Variants in ITGAV observed in about 807,000 individuals in gnomAD.
The protein encoded by ITGAV is integrin subunit alpha V.
A neutral mutation model predicts 143.8 loss-of-function variants in ITGAV; 76 were observed. The ratio of observed to expected loss-of-function variants is 0.53; its 90% CI spans 0.44 to 0.64. The LOEUF (loss-of-function observed/expected upper bound fraction) is 0.64, where lower values mean the gene tolerates loss of function less well. Ranked by LOEUF, ITGAV falls within the 30% of genes least tolerant of loss-of-function variation. ITGAV has a pLI of 0.00. For synonymous variants in ITGAV, 453 were observed against 446.7 expected (o/e 1.01, Z -0.18); for missense variants, 1,193 against 1,274.7 (o/e 0.94, Z 0.98).
intron 2 of ITGAV, among the ~76,000 whole-genome samples, chr2:186,614,994 G>A (rs927315679): frequency 1.3e-5 from 2 of 151,972 alleles, no homozygotes; most frequent in African/African-American, 4.8e-5. Context: ...AAAGAAATGT[G>A]TCCAACATCA....
chr2:186,668,127 C>T lies in ITGAV; in HGVS notation c.2433+351C>T, dbSNP rs1384876295. 2 of 113,442 alleles carry T rather than the reference C, an allele frequency of 1.8e-5. 1 individual carries two copies. The highest frequency in any genetic ancestry group is 6.9e-5 in the African/African-American group (2 of 28,806). The allele number at this position is 113,442 out of a possible 1,614,324, so 7.0% of individuals were successfully genotyped here. A position where few individuals can be genotyped will look rare whatever the true frequency, so the allele number is the denominator to read the frequency against. On this transcript the variant is annotated intron_variant, in intron 24 of 29. Transcript: ENST00000261023. ...AACTATTTCTATAGGAAGAAATTTT[C>T]TTTGTCATCCTTCATTAATAACTTT...
chr2:186,649,947 T>G, intron 14 of ITGAV, 62 bp downstream of exon 14: 1 of 1,070,494 alleles, frequency 9.3e-7, no homozygotes. Flanking sequence ...GTTTTTTAAT[T>G]AAGTGTCAGT....
intron 4 of ITGAV, among the ~76,000 whole-genome samples, chr2:186,628,317 G>C (rs1295650123): frequency 6.6e-6 from 1 of 152,014 alleles, no homozygotes; most frequent in Non-Finnish European, 1.5e-5. Context: ...AGTTTTTGTT[G>C]TTGTTGTTGT....
chr2:186,619,628 A>G (rs561390284), intron 2 of ITGAV, among the ~76,000 whole-genome samples: 67 of 152,370 alleles, frequency 4.4e-4, no homozygotes, highest in Middle Eastern at 3.4e-3. Flanking sequence ...TGATAAGTAT[A>G]CATTATATGT....
At chr2:186,629,639 A>G (rs1687765236) in intron 4 of ITGAV, among the ~76,000 whole-genome samples, 1 of 151,950 alleles carries the variant, frequency 6.6e-6, no homozygotes, top group African/African-American at 2.4e-5. Context: ...TCCAGGCTTT[A>G]AAAATGGGTT....
chr2:186,665,713 T>G (rs1688878825), intron 21 of ITGAV, among the ~76,000 whole-genome samples: 2 of 152,218 alleles, frequency 1.3e-5, no homozygotes, highest in African/African-American at 2.4e-5. Context: ...CCGAATCCTC[T>G]AAAAAGTAAA....
In ITGAV at chr2:186,677,490, G is replaced by T; in HGVS notation, c.*198G>T. On this transcript the variant is annotated 3_prime_UTR_variant, in exon 30 of 30. Transcript: ENST00000261023. ...TCAGACATACATTTAATAACATAGGGTGACTTGTGTTTTTAGGTATTTAAA... is the reference window on the plus strand; with the variant it reads ...TCAGACATACATTTAATAACATAGGTTGACTTGTGTTTTTAGGTATTTAAA... The T allele has an allele frequency of 2.0e-6, 1 of 494,184 alleles. No homozygotes were observed. The highest frequency in any genetic ancestry group is 3.6e-6 in the Non-Finnish European group (1 of 275,724). 30.6% of individuals were successfully genotyped at this position (494,184 alleles called of 1,614,324 possible). A position where few individuals can be genotyped will look rare whatever the true frequency, so the allele number is the denominator to read the frequency against.
At chr2:186,676,124 G>A in intron 28 of ITGAV, 197 bp downstream of exon 28, 1 of 478,154 alleles carries the variant, frequency 2.1e-6, no homozygotes, top group Non-Finnish European at 3.7e-6. Flanking sequence ...AGACCTTTTA[G>A]TTTAGCATCT....
rs1168653262 is a variant in ITGAV at position 186,638,127 on chromosome 2, T to A, written c.803-150T>A. 7 of 660,182 alleles carry A rather than the reference T, an allele frequency of 1.1e-5. No individual in the cohort carries two copies. In the South Asian group the frequency reaches 1.4e-4, roughly 13 times the overall value. 40.9% of individuals were successfully genotyped at this position (660,182 alleles called of 1,614,324 possible). ...ATTTTATAGTTTAAAAATGCTGGGCTATTTATTACGGAGTACCAATTTTTC... is the reference window on the plus strand; with the variant it reads ...ATTTTATAGTTTAAAAATGCTGGGCAATTTATTACGGAGTACCAATTTTTC... On this transcript the variant is annotated intron_variant, in intron 8 of 29. Transcript: ENST00000261023.
At chr2:186,616,583 A>G (rs1395973753) in intron 2 of ITGAV, among the ~76,000 whole-genome samples, 4 of 152,092 alleles carry the variant, frequency 2.6e-5, no homozygotes, top group Admixed American at 6.5e-5. Flanking sequence ...CGGCCGATAT[A>G]CCTTATTTCA....
At chr2:186,674,738 C>T (rs780476240) in intron 26 of ITGAV, among the ~76,000 whole-genome samples, 9 of 152,106 alleles carry the variant, frequency 5.9e-5, no homozygotes, top group African/African-American at 1.7e-4. Flanking sequence ...TCTCGAACTC[C>T]TGACCTCAAG....
chr2:186,641,670 C>A, intron 12 of ITGAV, 82 bp downstream of exon 12: 1 of 1,096,540 alleles, frequency 9.1e-7, no homozygotes. Flanking sequence ...CTGTAGAAGT[C>A]TACACGAGCA....
Position 186,622,981 on chromosome 2 carries a change from C to G in ITGAV, c.408+551C>G, listed in dbSNP as rs952035394. On this transcript the variant is annotated intron_variant, in intron 3 of 29. Coordinates refer to ENST00000261023, the MANE Select transcript of ITGAV (RefSeq NM_002210.5). ...GTTTCGCCATGTTGGCCAGGCTGGT[C>G]TCTAACTCCTGACCTCAGGTGAGCC... Among the ~76,000 whole-genome samples the G allele has an allele frequency of 6.6e-5, 10 of 152,276 alleles. 1 individual carries two copies. Among genetic ancestry groups the G allele is most frequent in the Admixed American group, 3.3e-4 (5 of 15,292 alleles).
At chr2:186,598,499 G>A (rs777247180) in intron 1 of ITGAV, among the ~76,000 whole-genome samples, 22 of 148,206 alleles carry the variant, frequency 1.5e-4, no homozygotes, top group African/African-American at 2.5e-4. Context: ...CTGCAGTGGC[G>A]CAATCTTGGC....
intron 2 of ITGAV, among the ~76,000 whole-genome samples, chr2:186,604,308 A>G (rs1686997098): frequency 6.6e-6 from 1 of 152,224 alleles, no homozygotes; most frequent in South Asian, 2.1e-4. Context: ...AATCTCTTGT[A>G]GATATTTCCT....
At chr2:186,672,711 T>A (rs1394219779) in intron 26 of ITGAV, among the ~76,000 whole-genome samples, 1 of 152,232 alleles carries the variant, frequency 6.6e-6, no homozygotes, top group Non-Finnish European at 1.5e-5. Context: ...TTCAGTTGTG[T>A]ATCTTTTTTA....
At chr2:186,619,480 T>C (rs915007413) in intron 2 of ITGAV, among the ~76,000 whole-genome samples, 104 of 152,286 alleles carry the variant, frequency 6.8e-4, no homozygotes, top group African/African-American at 2.4e-3. Context: ...TCTAGTGTTT[T>C]CTACCACTGT....
rs762023736 is a variant in ITGAV, at chr2:186,664,552, C to G, written c.1984C>G (p.Gln662Glu). ...CCCTCTGACATTGATTGTTAAGGCT[C>G]AGAATCAAGGAGAAGGTGCCTACGA... ...DNPLTLIVKAQNQGEGAYEAE... is the reference protein window; with the variant it reads ...DNPLTLIVKAENQGEGAYEAE... The change falls in exon 20 of 30, where the codon CAG becomes GAG. Residue 662 changes from glutamine to glutamate, a missense_variant. By Grantham distance (29) the Gln-to-Glu change is conservative. Coordinates refer to ENST00000261023, the MANE Select transcript of ITGAV (RefSeq NM_002210.5). The G allele has an allele frequency of 1.9e-6, 3 of 1,613,958 alleles. No individual in the cohort carries two copies. The highest frequency in any genetic ancestry group is 2.5e-6 in the Non-Finnish European group (3 of 1,179,886).
rs187006593 is a variant in ITGAV, at chr2:186,664,349, A to G, written c.1926-145A>G. ...CCCAGTGTGCTATTTTCTGTTTTCT[A>G]TCAAGCTGTGAAGTAGTCTTAAAAT... On this transcript the variant is annotated intron_variant, in intron 19 of 29. Transcript: ENST00000261023. The G allele has an allele frequency of 9.3e-5, 68 of 731,020 alleles. No individual in the cohort carries two copies. In the East Asian group the frequency reaches 1.3e-3, roughly 14 times the overall value. 45.3% of individuals were successfully genotyped at this position (731,020 alleles called of 1,614,324 possible).
Sources: gnomAD v4.1 joint callset for allele counts (sites outside exome capture counted in the v4.1 genomes callset) on GRCh38, gnomAD v4.1.1 for gene constraint, MANE v1.5 for transcripts, NCBI Gene and HGNC (gene_info 2026-07-23, HGNC 2026-07-21) for gene names.